TRPM3: variants seen among roughly 807,000 people sequenced by gnomAD.
TRPM3 encodes the protein transient receptor potential cation channel subfamily M member 3.
A neutral mutation model predicts 181.2 loss-of-function variants in TRPM3; 77 were observed. The ratio of observed to expected loss-of-function variants is 0.42; its 90% CI spans 0.35 to 0.51. The LOEUF (loss-of-function observed/expected upper bound fraction) is 0.51. TRPM3 is among the 20% of genes least tolerant of loss of function. The probability of loss-of-function intolerance (pLI) is 0.01; values close to 1 mark genes in which losing one functional copy is unlikely to be tolerated. For missense variants in TRPM3, 1,759 were observed against 2,196.7 expected (o/e 0.80, Z 3.98); for synonymous variants, 745 against 796.4 (o/e 0.94, Z 1.09).
intron 1 of TRPM3, among the ~76,000 whole-genome samples, chr9:71,080,207 T>TAAATAAATA (rs1396432862): frequency 6.9e-5 from 10 of 145,846 alleles, no homozygotes; most frequent in Middle Eastern, 3.5e-3. Flanking sequence ...AATAAATAAA[T>TAAATAAATA]AAAATAAAAA....
rs2083067207 is a variant in TRPM3 at position 70,784,111 on chromosome 9, T to C, written c.1142A>G (p.Glu381Gly). 1.9e-6 allele frequency: 3 copies of C among 1,612,934 alleles called. No homozygotes were observed. Among genetic ancestry groups the C allele is most frequent in the Non-Finnish European group, 2.5e-6 (3 of 1,179,342 alleles). ...ILAFGHKYSE[E>G]GGLINESLRD... ...GGCCTGGAAAGTTACCTACCCGCCT[T>C]CTTCTGAGTATTTATGCCCAAAGGC... Residue 381 changes from glutamate (E) to glycine (G), a missense_variant, in exon 7 of 26, where the codon GAA becomes GGA. Physicochemically the swap from Glu to Gly is moderately conservative, Grantham distance 98. Transcript: ENST00000677713.
chr9:71,068,055 A>G (rs1489620816), intron 1 of TRPM3, among the ~76,000 whole-genome samples: 1 of 152,170 alleles, frequency 6.6e-6, no homozygotes, highest in Non-Finnish European at 1.5e-5. Context: ...TCCAACTTAC[A>G]TGCTCTCTGA....
At chr9:71,177,271 T>C (rs1042433704) in intron 1 of TRPM3, among the ~76,000 whole-genome samples, 1 of 152,116 alleles carries the variant, frequency 6.6e-6, no homozygotes, top group Non-Finnish European at 1.5e-5. Flanking sequence ...AGTTGTATAA[T>C]TATTTCAATA....
rs547343817 is a variant in TRPM3 at position 70,780,785 on chromosome 9, C to G, written c.1148+3320G>C. Among the ~76,000 whole-genome samples the G allele has an allele frequency of 1.1e-4, 17 of 152,242 alleles. 1 individual carries two copies. The South Asian group carries it at 2.9e-3, about 26-fold the overall frequency. On this transcript the variant is annotated intron_variant, in intron 7 of 25. Coordinates refer to ENST00000677713, the MANE Select transcript of TRPM3 (RefSeq NM_001366145.2). The stretch of plus-strand genomic sequence containing the variant: ...ACTACATATAAAATACAAAACTTCT[C>G]TTTAGACTTCTATTTTCTTAACCAT...
intron 9 of TRPM3, among the ~76,000 whole-genome samples, chr9:70,660,135 T>C (rs1053233905): frequency 6.6e-6 from 1 of 152,148 alleles, no homozygotes; most frequent in Non-Finnish European, 1.5e-5. Flanking sequence ...CATTTTCTTC[T>C]AAAATGCTTT....
At chr9:70,828,701 ATTTT>A (rs1313239960) in intron 5 of TRPM3, among the ~76,000 whole-genome samples, 2 of 116,292 alleles carry the variant, frequency 1.7e-5, no homozygotes, top group Non-Finnish European at 4.0e-5. Flanking sequence ...GGCCTTCCAG[ATTTT>A]TTTTTTTTTT....
At chr9:71,356,949 ATTTTGACAAAGAGAAATTTGTTTGC>A (rs2091922479) in intron 1 of TRPM3, among the ~76,000 whole-genome samples, 1 of 152,160 alleles carries the variant, frequency 6.6e-6, no homozygotes, top group South Asian at 2.1e-4. Context: ...AATCGAGCCC[ATTTTGACAAAGAGAAATTTGTTTGC>A]AACATAGAAT....
At chr9:71,420,697 G>A (rs2093721225) in intron 1 of TRPM3, among the ~76,000 whole-genome samples, 1 of 53,468 alleles carries the variant, frequency 1.9e-5, no homozygotes, top group African/African-American at 6.2e-5. Context: ...AAGGGAAAGA[G>A]AAAGAGAGAG....
At chr9:70,583,761 T>G (rs2056523748) in intron 22 of TRPM3, among the ~76,000 whole-genome samples, 1 of 152,188 alleles carries the variant, frequency 6.6e-6, no homozygotes, top group Non-Finnish European at 1.5e-5. Flanking sequence ...TTCTATCCTT[T>G]TAGGGCTAGG....
chr9:71,226,767 A>G (rs1024987857), intron 1 of TRPM3, among the ~76,000 whole-genome samples: 3 of 152,142 alleles, frequency 2.0e-5, no homozygotes, highest in Admixed American at 6.5e-5. Flanking sequence ...ATAGAGAGAT[A>G]GACTCCAATA....
In TRPM3 at chr9:70,603,392, A is replaced by C; in HGVS notation, c.2746T>G (p.Trp916Gly). 6.2e-7 allele frequency: 1 copy of C among 1,614,120 alleles called. No individual in the cohort carries two copies. The highest frequency in any genetic ancestry group is 8.5e-7 in the Non-Finnish European group (1 of 1,179,986). ...GTGAAAATATAGGAGATTACGATCC[A>C]TTCCTGGGTGGACGGCCAGCGTTCC... Reference protein sequence around the residue: ...KMERWPSTQEWIVISYIFTLG... With the variant: ...KMERWPSTQEGIVISYIFTLG... Residue 916 changes from tryptophan to glycine, a missense_variant, in exon 20 of 26, where the codon TGG becomes GGG. Trp to Gly is a radical substitution (Grantham distance 184, BLOSUM62 -2). Transcript: ENST00000677713.
chr9:71,371,140 T>C (rs1031314274), intron 1 of TRPM3, among the ~76,000 whole-genome samples: 3 of 152,188 alleles, frequency 2.0e-5, no homozygotes, highest in Admixed American at 6.5e-5. Context: ...CTGATGGAGA[T>C]GTACACGGAG....
At chr9:70,820,349 G>C (rs1270187779) in intron 6 of TRPM3, among the ~76,000 whole-genome samples, 2 of 152,108 alleles carry the variant, frequency 1.3e-5, no homozygotes, top group Admixed American at 6.6e-5. Flanking sequence ...TTAACAAGCA[G>C]AGCCAGGTTA....
chr9:71,060,206 C>G (rs1454029883), intron 1 of TRPM3, among the ~76,000 whole-genome samples: 1 of 152,040 alleles, frequency 6.6e-6, no homozygotes. Context: ...CTCCCAGGGA[C>G]CAGCTTTCTA....
intron 1 of TRPM3, among the ~76,000 whole-genome samples, chr9:71,326,804 T>C (rs1477393774): frequency 6.6e-6 from 1 of 152,156 alleles, no homozygotes; most frequent in African/African-American, 2.4e-5. Flanking sequence ...GCCCTGATAA[T>C]GAACCTTCTC....
chr9:70,581,847 C>T (rs1435884048), intron 22 of TRPM3, among the ~76,000 whole-genome samples: 1 of 152,024 alleles, frequency 6.6e-6, no homozygotes. Context: ...CCTCTGCTGC[C>T]CTCAACAATC....
intron 1 of TRPM3, among the ~76,000 whole-genome samples, chr9:71,100,148 T>C (rs1462680549): frequency 4.6e-5 from 7 of 152,290 alleles, no homozygotes; most frequent in Middle Eastern, 3.4e-3. Context: ...TTGATTCTGA[T>C]TTTTAGATCT....
intron 7 of TRPM3, among the ~76,000 whole-genome samples, chr9:70,783,388 T>A (rs926796670): frequency 6.6e-6 from 1 of 152,120 alleles, no homozygotes; most frequent in Non-Finnish European, 1.5e-5. Flanking sequence ...TTAGGATGGT[T>A]TATTTTGATC....
At chr9:71,329,112 A>T (rs1443153887) in intron 1 of TRPM3, among the ~76,000 whole-genome samples, 1 of 152,228 alleles carries the variant, frequency 6.6e-6, no homozygotes, top group East Asian at 1.9e-4. Flanking sequence ...AAAATGTCTA[A>T]CACTACTGAA....
Sources: allele counts gnomAD v4.1 joint callset (sites outside exome capture counted in the v4.1 genomes callset), GRCh38; gene constraint gnomAD v4.1.1; transcripts MANE v1.5; gene names NCBI Gene and HGNC (gene_info 2026-07-23, HGNC 2026-07-21).